The following CUL2 variants were observed in gnomAD, a reference collection of about 807,000 sequenced individuals.
CUL2 encodes cullin-2.
In CUL2, 22 loss-of-function variants were observed where a neutral mutation model predicts 110.2. The ratio of observed to expected loss-of-function variants is 0.20; its 90% CI spans 0.14 to 0.28. The LOEUF is 0.28. CUL2 is among the 10% of genes least tolerant of loss of function. CUL2 has a pLI of 1.00. For synonymous variants in CUL2, 279 were observed against 293.2 expected, an observed-to-expected ratio of 0.95 and a Z score of 0.49; for missense variants, 631 against 905.5, an observed-to-expected ratio of 0.70 and a Z score of 3.89.
chr10:35,103,391 C>A (rs1191919860), intron 1 of CUL2, among the ~76,000 whole-genome samples: 3 of 142,364 alleles, frequency 2.1e-5, no homozygotes, highest in African/African-American at 7.7e-5. Flanking sequence ...GTGGCACGAT[C>A]TCGACTCACT....
chr10:35,122,621 C>A (rs986617582), intron 1 of CUL2, among the ~76,000 whole-genome samples: 1 of 151,752 alleles, frequency 6.6e-6, no homozygotes, highest in African/African-American at 2.4e-5. Context: ...GTAATAATAT[C>A]CTTATTTTAT....
At chr10:35,108,262 C>A (rs1239908707) in intron 1 of CUL2, among the ~76,000 whole-genome samples, 2 of 151,522 alleles carry the variant, frequency 1.3e-5, no homozygotes, top group African/African-American at 4.9e-5. Context: ...CCAGACCAGC[C>A]TGGGTGACAT....
intron 10 of CUL2, 94 bp downstream of exon 10, chr10:35,035,076 CTT>C: frequency 1.4e-6 from 2 of 1,441,956 alleles, no homozygotes; most frequent in Non-Finnish European, 1.9e-6. Context: ...CATGGTAAGA[CTT>C]TTTCTTTCAT....
At chr10:35,072,450 C>T (rs924501176) in intron 1 of CUL2, among the ~76,000 whole-genome samples, 1 of 151,732 alleles carries the variant, frequency 6.6e-6, no homozygotes, top group Non-Finnish European at 1.5e-5. Flanking sequence ...CTCACTGCAA[C>T]CTTCACCTCC....
intron 1 of CUL2, among the ~76,000 whole-genome samples, chr10:35,105,512 T>C (rs927234902): frequency 1.3e-5 from 2 of 150,574 alleles, no homozygotes; most frequent in African/African-American, 4.9e-5. Flanking sequence ...GAGACCATCC[T>C]GGCTAACACA....
intron 20 of CUL2, 112 bp downstream of exon 20, chr10:35,011,736 G>T: frequency 1.7e-6 from 1 of 601,642 alleles, no homozygotes. Context: ...ATTTCTTTAT[G>T]CTATCTGAGG....
chr10:35,090,857 G>T (rs948392432), upstream of CUL2, among the ~76,000 whole-genome samples: 5 of 152,224 alleles, frequency 3.3e-5, no homozygotes, highest in Admixed American at 1.3e-4. Flanking sequence ...ACAGAAGTAT[G>T]TTTTCCTTGT....
At chr10:35,068,109 CAA>C (rs35151461) in intron 2 of CUL2, among the ~76,000 whole-genome samples, 85 of 93,584 alleles carry the variant, frequency 9.1e-4, no homozygotes, top group Middle Eastern at 5.7e-3. Context: ...GACTCCGTCT[CAA>C]AAAAAAAAAA....
At chr10:35,094,382 C>G (rs1007098904), upstream of CUL2, among the ~76,000 whole-genome samples, 1 of 152,056 alleles carries the variant, frequency 6.6e-6, no homozygotes, top group East Asian at 1.9e-4. Flanking sequence ...ATTACAAGCA[C>G]GTGCCACCAC....
intron 4 of CUL2, among the ~76,000 whole-genome samples, chr10:35,058,871 T>C (rs1042471239): frequency 2.0e-5 from 3 of 152,172 alleles, no homozygotes; most frequent in Non-Finnish European, 2.9e-5. Flanking sequence ...TCAATAAACC[T>C]TGATTGAGAC....
intron 1 of CUL2, among the ~76,000 whole-genome samples, chr10:35,103,410 C>T (rs369440496): frequency 6.0e-5 from 9 of 150,176 alleles, no homozygotes; most frequent in Non-Finnish European, 8.9e-5. Context: ...CTGCAAGCTC[C>T]GCCTCCCGGG....
intron 18 of CUL2, among the ~76,000 whole-genome samples, chr10:35,014,891 T>G (rs1226571780): frequency 6.6e-6 from 1 of 152,166 alleles, no homozygotes; most frequent in East Asian, 1.9e-4. Flanking sequence ...ATGTTTACTT[T>G]GTCAATTTCT....
chr10:35,032,292 T>G (rs555431763), intron 12 of CUL2, 143 bp downstream of exon 12: 242 of 669,804 alleles, frequency 3.6e-4, no homozygotes, highest in Non-Finnish European at 5.0e-4. Context: ...CTTACATAAA[T>G]GCCAAACTAT....
chr10:35,096,107 G>A (rs1280898208), intron 2 of CUL2, among the ~76,000 whole-genome samples: 3 of 151,936 alleles, frequency 2.0e-5, no homozygotes, highest in African/African-American at 7.3e-5. Context: ...AATAAGCCTG[G>A]GCTGGTGGTG....
At chr10:35,111,492 C>T (rs936158722) in intron 1 of CUL2, among the ~76,000 whole-genome samples, 4 of 152,176 alleles carry the variant, frequency 2.6e-5, no homozygotes, top group African/African-American at 7.2e-5. Context: ...CTCCTGGCCT[C>T]AAGCCATCCT....
At chr10:35,069,430 A>C (rs745341555) in intron 2 of CUL2, among the ~76,000 whole-genome samples, 1 of 152,008 alleles carries the variant, frequency 6.6e-6, no homozygotes, top group Non-Finnish European at 1.5e-5. Flanking sequence ...AGTCCCAGCT[A>C]CTCAGGAGGC....
At chr10:35,087,213 G>A (rs1046961116) in intron 1 of CUL2, among the ~76,000 whole-genome samples, 6 of 152,168 alleles carry the variant, frequency 3.9e-5, no homozygotes, top group Admixed American at 3.3e-4. Flanking sequence ...CACCACGCCT[G>A]GCTAATGTTT....
At chr10:35,116,586 C>T (rs987122016) in intron 1 of CUL2, among the ~76,000 whole-genome samples, 2 of 151,746 alleles carry the variant, frequency 1.3e-5, no homozygotes, top group African/African-American at 4.8e-5. Flanking sequence ...CTGAAATTTT[C>T]CTTATTTATG....
chr10:35,066,196 G>C (rs1448553348), intron 2 of CUL2, among the ~76,000 whole-genome samples: 1 of 151,332 alleles, frequency 6.6e-6, no homozygotes, highest in African/African-American at 2.4e-5. Context: ...TTTTGCAATG[G>C]GAATAAAAGG....
Sources: gnomAD v4.1 joint callset for allele counts (sites outside exome capture counted in the v4.1 genomes callset) on GRCh38, gnomAD v4.1.1 for gene constraint, MANE v1.5 for transcripts, NCBI Gene and HGNC (gene_info 2026-07-23, HGNC 2026-07-21) for gene names.